The following TMEM164 variants were observed in gnomAD, a reference collection of about 807,000 sequenced individuals.
The protein encoded by TMEM164 is RP13-360B22.2.
Under a neutral mutation model 18.8 loss-of-function variants are expected in TMEM164, and 4 were observed. The ratio of observed to expected loss-of-function variants is 0.21; its 90% CI spans 0.10 to 0.49. The LOEUF is 0.49. Among genes scored for constraint, TMEM164 ranks in the 20% least tolerant of loss-of-function variants. The pLI, the probability that TMEM164 is intolerant of heterozygous loss-of-function variation, is 0.98. For synonymous variants in TMEM164, 86 were observed against 101.7 expected, an observed-to-expected ratio of 0.85 and a Z score of 0.93; for missense variants, 108 against 239.9, an observed-to-expected ratio of 0.45 and a Z score of 3.63.
chrX:110,096,759 C>T (rs748925137), intron 3 of TMEM164, among the ~76,000 whole-genome samples: 62 of 111,775 alleles, frequency 5.5e-4, no homozygotes, highest in Non-Finnish European at 1.0e-3. Flanking sequence ...TGGTCTTCTG[C>T]GTTACTCATG....
At chrX:110,111,728 A>G (rs2066292766) in intron 4 of TMEM164, among the ~76,000 whole-genome samples, 1 of 112,082 alleles carries the variant, frequency 8.9e-6, no homozygotes, top group South Asian at 3.7e-4. Flanking sequence ...TTGCAAAGCC[A>G]TTGAACATAA....
chrX:110,073,974 T>C (rs2065634297), intron 3 of TMEM164, among the ~76,000 whole-genome samples: 1 of 110,618 alleles, frequency 9.0e-6, no homozygotes, highest in Admixed American at 9.7e-5. Flanking sequence ...TCCTCCCGGG[T>C]CCAAGTGATT....
At chrX:110,039,686 A>G (rs905026805) in intron 2 of TMEM164, among the ~76,000 whole-genome samples, 9 of 112,473 alleles carry the variant, frequency 8.0e-5, no homozygotes, top group African/African-American at 2.9e-4. Context: ...ATGTTCCCCC[A>G]CCCTGGGATG....
intron 2 of TMEM164, among the ~76,000 whole-genome samples, chrX:110,042,795 A>G (rs759134208): frequency 1.8e-5 from 2 of 112,339 alleles, no homozygotes; most frequent in Non-Finnish European, 3.8e-5. Flanking sequence ...AGTTTATTTC[A>G]TGTGCTTATT....
intron 3 of TMEM164, among the ~76,000 whole-genome samples, chrX:110,093,654 T>A (rs1227175676): frequency 8.9e-6 from 1 of 111,764 alleles, no homozygotes; most frequent in Non-Finnish European, 1.9e-5. Flanking sequence ...GATTCATTGA[T>A]TTTTTTGAAG....
intron 3 of TMEM164, among the ~76,000 whole-genome samples, chrX:110,100,020 T>G (rs1204355421): frequency 8.9e-6 from 1 of 112,467 alleles, no homozygotes; most frequent in Non-Finnish European, 1.9e-5. Flanking sequence ...TAGAAGTGAT[T>G]GATTTTTGTG....
At chrX:110,145,997 C>T (rs994547262) in intron 5 of TMEM164, among the ~76,000 whole-genome samples, 93 of 111,857 alleles carry the variant, frequency 8.3e-4, no homozygotes, top group East Asian at 5.6e-4. Context: ...TGGGGTCTCA[C>T]GATGTCCCAA....
intron 2 of TMEM164, among the ~76,000 whole-genome samples, chrX:110,014,744 CTTTTTTT>C (rs142705177): frequency 3.7e-5 from 2 of 54,239 alleles, no homozygotes; most frequent in African/African-American, 7.5e-5. Flanking sequence ...TTGGTTGTTT[CTTTTTTT>C]TTTTTTTTTT....
Position 110,175,276 on chromosome X carries a change from A to G in TMEM164, c.*1825A>G, listed in dbSNP as rs2067277534. The G allele has an allele frequency of 8.8e-6, 1 of 113,148 alleles. No homozygotes were observed. The highest frequency in any genetic ancestry group is 1.9e-5 in the Non-Finnish European group (1 of 53,347). The allele number at this position is 113,148 out of a possible 1,213,427, so 9.3% of individuals were successfully genotyped here. A position where few individuals can be genotyped will look rare whatever the true frequency, so the allele number is the denominator to read the frequency against. On this transcript the variant is annotated 3_prime_UTR_variant, in exon 7 of 7. Coordinates refer to ENST00000372068, the MANE Select transcript of TMEM164 (RefSeq NM_032227.4). ...GTAGGAATAGCTGATGAGGAAATACACAAGGCCTCAGTGCCCCTTGGCCTC... is the reference window on the plus strand; with the variant it reads ...GTAGGAATAGCTGATGAGGAAATACGCAAGGCCTCAGTGCCCCTTGGCCTC...
At chrX:110,014,553 G>T (rs2147688180) in intron 2 of TMEM164, among the ~76,000 whole-genome samples, 1 of 110,574 alleles carries the variant, frequency 9.0e-6, no homozygotes, top group Non-Finnish European at 1.9e-5. Flanking sequence ...TTGTTAGGAA[G>T]CTTAGCTTTC....
chrX:110,010,125 C>T lies in TMEM164; in HGVS notation c.390+5961C>T, dbSNP rs901755124. Among the ~76,000 whole-genome samples, 21 of 112,322 alleles carry T rather than the reference C, an allele frequency of 1.9e-4. No individual in the cohort carries two copies. In the Admixed American group the frequency reaches 2.0e-3, roughly 11 times the overall value. ...TGGTTATTAGAATCTCTACTCTTGG[C>T]CCAAAGTGTCTGTTTGCTTTTCTCC... On this transcript the variant is annotated intron_variant, in intron 2 of 6. Transcript: ENST00000372068.
intron 4 of TMEM164, among the ~76,000 whole-genome samples, chrX:110,112,675 G>A (rs2066307114): frequency 8.9e-6 from 1 of 111,972 alleles, no homozygotes; most frequent in Non-Finnish European, 1.9e-5. Context: ...AGATCACAGT[G>A]CGCCAGCAAG....
rs1433668198 is a variant in TMEM164, at chrX:110,101,968, TA to T, written c.441-7111del. Among the ~76,000 whole-genome samples the T allele has an allele frequency of 5.5e-5, 6 of 109,490 alleles. No individual in the cohort carries two copies. In the East Asian group the frequency reaches 1.4e-3, roughly 26 times the overall value. On this transcript the variant is annotated intron_variant, in intron 3 of 6. Coordinates refer to ENST00000372068, the MANE Select transcript of TMEM164 (RefSeq NM_032227.4). ...GCTTGCCTTGGGTTTATTTTGCTCTTATTTTTTTTATTCTTAAGGTGGAAGC... is the reference window on the plus strand; with the variant it reads ...GCTTGCCTTGGGTTTATTTTGCTCTTTTTTTTTTATTCTTAAGGTGGAAGC...
chrX:110,130,791 T>A (rs1339320360), intron 4 of TMEM164, among the ~76,000 whole-genome samples: 1 of 111,219 alleles, frequency 9.0e-6, no homozygotes, highest in African/African-American at 3.3e-5. Context: ...ATAAAGATTC[T>A]ACACATTCTC....
intron 4 of TMEM164, among the ~76,000 whole-genome samples, chrX:110,126,501 C>T (rs552144125): frequency 8.9e-6 from 1 of 112,018 alleles, no homozygotes; most frequent in African/African-American, 3.2e-5. Flanking sequence ...ATATCAATGC[C>T]TGCTCTCCAC....
At chrX:110,090,176 C>T (rs749202651) in intron 3 of TMEM164, among the ~76,000 whole-genome samples, 1 of 110,685 alleles carries the variant, frequency 9.0e-6, no homozygotes, top group African/African-American at 3.3e-5. Context: ...TGGTTCAGAA[C>T]AAGGAAGTGG....
intron 3 of TMEM164, among the ~76,000 whole-genome samples, chrX:110,072,872 T>G (rs1252134886): frequency 9.2e-6 from 1 of 108,852 alleles, no homozygotes. Flanking sequence ...GGGTTACATG[T>G]GCAGGTTTGT....
chrX:110,038,195 T>G (rs941658483), intron 2 of TMEM164, among the ~76,000 whole-genome samples: 7 of 110,003 alleles, frequency 6.4e-5, no homozygotes, highest in Non-Finnish European at 9.5e-5. Flanking sequence ...GTTTCACCGT[T>G]TTAGCCGGGA....
At chrX:110,063,615 TGA>T (rs1936206082) in intron 2 of TMEM164, among the ~76,000 whole-genome samples, 1 of 111,325 alleles carries the variant, frequency 9.0e-6, no homozygotes, top group African/African-American at 3.3e-5. Flanking sequence ...CTGAGGAAGC[TGA>T]GAGAGTGTGT....
Sources: allele counts gnomAD v4.1 joint callset (sites outside exome capture counted in the v4.1 genomes callset), GRCh38; gene constraint gnomAD v4.1.1; transcripts MANE v1.5; gene names NCBI Gene and HGNC (gene_info 2026-07-23, HGNC 2026-07-21).